HECW1: variants seen among roughly 807,000 people sequenced by gnomAD.
The protein encoded by HECW1 is HECT, C2 and WW domain containing E3 ubiquitin protein ligase 1, also known as E3 ubiquitin-protein ligase HECW1.
A neutral mutation model predicts 182.3 loss-of-function variants in HECW1; 61 were observed. The ratio of observed to expected loss-of-function variants is 0.33; its 90% confidence interval spans 0.27 to 0.41. HECW1 has a LOEUF of 0.41. HECW1 is among the 10% of genes least tolerant of loss of function. The pLI is 1.00. For missense variants in HECW1, 1,739 were observed against 2,108.9 expected, an observed-to-expected ratio of 0.82 and a Z score of 3.44; for synonymous variants, 859 against 832.6, an observed-to-expected ratio of 1.03 and a Z score of -0.55.
chr7:43,337,872 C>T (rs1441462947), intron 5 of HECW1, among the ~76,000 whole-genome samples: 1 of 152,140 alleles, frequency 6.6e-6, no homozygotes, highest in African/African-American at 2.4e-5. Context: ...TGTCAGGGGC[C>T]CCTTAGAAGG....
chr7:43,166,234 C>A (rs1791094692), intron 2 of HECW1, among the ~76,000 whole-genome samples: 1 of 152,212 alleles, frequency 6.6e-6, no homozygotes, highest in African/African-American at 2.4e-5. Context: ...CAGGCACCCA[C>A]CACCACAGCC....
At chr7:43,294,945 A>G (rs1053771157) in intron 3 of HECW1, among the ~76,000 whole-genome samples, 13 of 152,160 alleles carry the variant, frequency 8.5e-5, no homozygotes, top group Non-Finnish European at 1.6e-4. Context: ...TGTACATTGT[A>G]TAATATGTAA....
intron 6 of HECW1, among the ~76,000 whole-genome samples, chr7:43,363,218 G>A (rs1816186722): frequency 6.6e-6 from 1 of 152,138 alleles, no homozygotes; most frequent in Non-Finnish European, 1.5e-5. Flanking sequence ...GCCCCTTAGG[G>A]CAGGATAAAT....
At chr7:43,247,521 G>A (rs1799494945) in intron 3 of HECW1, among the ~76,000 whole-genome samples, 1 of 152,170 alleles carries the variant, frequency 6.6e-6, no homozygotes, top group African/African-American at 2.4e-5. Flanking sequence ...TGCACCTGCA[G>A]TCACAGTTAC....
rs2082301762 is a variant in HECW1, at chr7:43,565,255, G to GA, written c.*3335dup. On this transcript the variant is annotated 3_prime_UTR_variant, in exon 30 of 30. Transcript: ENST00000395891. ...GTTGTGAAGATGCCGAGAGAGTGGTGAAAAAATTAAGAAAAAGAGACATAT... is the reference window on the plus strand; with the variant it reads ...GTTGTGAAGATGCCGAGAGAGTGGTGAAAAAAATTAAGAAAAAGAGACATAT... 4.9e-6 allele frequency: 1 copy of GA among 204,398 alleles called. No individual in the cohort carries two copies. The highest frequency in any genetic ancestry group is 1.0e-5 in the Non-Finnish European group (1 of 99,758). 12.7% of individuals were successfully genotyped at this position (204,398 alleles called of 1,614,324 possible).
intron 2 of HECW1, among the ~76,000 whole-genome samples, chr7:43,234,852 G>A (rs1277428789): frequency 6.6e-6 from 1 of 152,174 alleles, no homozygotes; most frequent in Non-Finnish European, 1.5e-5. Flanking sequence ...CATTTGCTGA[G>A]TGAATGCATG....
chr7:43,331,959 T>C lies in HECW1; in HGVS notation c.460+11217T>C, dbSNP rs78732589. 4.3e-3 allele frequency among the ~76,000 whole-genome samples: 650 copies of C among 152,208 alleles called. 4 individuals are homozygous for C. Among genetic ancestry groups the C allele is most frequent in the African/African-American group, 0.015 (624 of 41,544 alleles). ...TAGGCAACAGGATCCAGAGAACAGT[T>C]ATGGGACAGGACTTTCCTAGAAGCT... is the stretch of plus-strand genomic sequence containing the variant. On this transcript the variant is annotated intron_variant, in intron 5 of 29. Coordinates refer to ENST00000395891, the MANE Select transcript of HECW1 (RefSeq NM_015052.5).
chr7:43,541,370 C>A, intron 25 of HECW1, 109 bp downstream of exon 25: 1 of 807,890 alleles, frequency 1.2e-6, no homozygotes, highest in Non-Finnish European at 2.2e-6. Context: ...CTAACCATTC[C>A]TGTTAGGGTT....
intron 8 of HECW1, among the ~76,000 whole-genome samples, chr7:43,412,554 T>G (rs2075839731): frequency 6.7e-6 from 1 of 149,952 alleles, no homozygotes; most frequent in African/African-American, 2.4e-5. Context: ...CTGCACCCAC[T>G]AACTCGTCAT....
chr7:43,343,832 C>T (rs1813332614), intron 5 of HECW1, among the ~76,000 whole-genome samples: 1 of 151,830 alleles, frequency 6.6e-6, no homozygotes, highest in African/African-American at 2.4e-5. Flanking sequence ...AGGAATCCCA[C>T]ACTGTCTCCA....
intron 3 of HECW1, among the ~76,000 whole-genome samples, chr7:43,278,864 C>A (rs1424715373): frequency 1.3e-5 from 2 of 152,190 alleles, no homozygotes; most frequent in African/African-American, 4.8e-5. Flanking sequence ...TCCACACCCT[C>A]ATCCCTTTCT....
At chr7:43,181,632 T>G (rs985931079) in intron 2 of HECW1, among the ~76,000 whole-genome samples, 4 of 150,954 alleles carry the variant, frequency 2.6e-5, no homozygotes, top group Admixed American at 6.6e-5. Flanking sequence ...ATTTGTATTC[T>G]TTTGAGAAAT....
In HECW1 at chr7:43,450,235, G is replaced by T. The variant is rs934963167; in HGVS notation, c.2399-593G>T. Among the ~76,000 whole-genome samples, 5 of 151,760 alleles carry T rather than the reference G, an allele frequency of 3.3e-5. No homozygotes were observed. The South Asian group carries it at 8.3e-4, about 25-fold the overall frequency. On this transcript the variant is annotated intron_variant, in intron 11 of 29. Transcript: ENST00000395891. Reference sequence around the variant, plus strand: ...CAGTCCTGAGATCCCTCAGCCCCTTGGCTCCCCTCCCCAACCCCCCAACCT... The same window carrying T: ...CAGTCCTGAGATCCCTCAGCCCCTTTGCTCCCCTCCCCAACCCCCCAACCT...
intron 2 of HECW1, among the ~76,000 whole-genome samples, chr7:43,186,822 A>G (rs935028776): frequency 1.3e-5 from 2 of 152,232 alleles, no homozygotes; most frequent in African/African-American, 2.4e-5. Flanking sequence ...TCAGCCTAGA[A>G]GCAATAGGTC....
chr7:43,386,797 G>A (rs916202445), intron 6 of HECW1, among the ~76,000 whole-genome samples: 1 of 152,138 alleles, frequency 6.6e-6, no homozygotes, highest in Non-Finnish European at 1.5e-5. Flanking sequence ...CAGCTGAAGG[G>A]TGTAGAAGCT....
chr7:43,458,221 G>T (rs899249971), intron 13 of HECW1, among the ~76,000 whole-genome samples: 6 of 152,198 alleles, frequency 3.9e-5, no homozygotes, highest in African/African-American at 1.2e-4. Flanking sequence ...TGCCAAAAAT[G>T]ATAAGCTCCA....
At chr7:43,323,822 G>T (rs1320512285) in intron 5 of HECW1, among the ~76,000 whole-genome samples, 2 of 152,002 alleles carry the variant, frequency 1.3e-5, no homozygotes, top group Non-Finnish European at 2.9e-5. Flanking sequence ...GAGGTTAGAA[G>T]TTCAACCTAG....
chr7:43,321,393 G>T (rs1385361004), intron 5 of HECW1, among the ~76,000 whole-genome samples: 1 of 151,874 alleles, frequency 6.6e-6, no homozygotes, highest in African/African-American at 2.4e-5. Flanking sequence ...CTTTTTTCAT[G>T]GGTCCCCATA....
chr7:43,298,830 C>T (rs1306704833), intron 3 of HECW1, among the ~76,000 whole-genome samples: 1 of 152,056 alleles, frequency 6.6e-6, no homozygotes, highest in Non-Finnish European at 1.5e-5. Context: ...GCTCTGTCTG[C>T]CGCCCCCACA....
Sources: allele counts gnomAD v4.1 joint callset (sites outside exome capture counted in the v4.1 genomes callset), GRCh38; gene constraint gnomAD v4.1.1; transcripts MANE v1.5; gene names NCBI Gene and HGNC (gene_info 2026-07-23, HGNC 2026-07-21).